CENPP: variants seen among roughly 807,000 people sequenced by gnomAD.
CENPP encodes the protein centromere protein P.
CENPP carries 24 observed loss-of-function variants against 35.6 expected under a neutral mutation model. The ratio of observed to expected loss-of-function variants is 0.67; its 90% CI spans 0.49 to 0.95. CENPP has a LOEUF of 0.95. Among genes scored for constraint, CENPP ranks in the 40% least tolerant of loss-of-function variants. CENPP has a pLI of 0.00. For synonymous variants in CENPP, 120 were observed against 125.5 expected (o/e 0.96, Z 0.29); for missense variants, 332 against 345.3 (o/e 0.96, Z 0.31).
chr9:92,435,790 A>G (rs1317452440), intron 5 of CENPP, among the ~76,000 whole-genome samples: 1 of 152,218 alleles, frequency 6.6e-6, no homozygotes, highest in Non-Finnish European at 1.5e-5. Context: ...TGGATGTACC[A>G]TAGTTGGTTT....
At chr9:92,355,284 C>G (rs554180638) in intron 4 of CENPP, among the ~76,000 whole-genome samples, 25 of 152,228 alleles carry the variant, frequency 1.6e-4, no homozygotes, top group Middle Eastern at 3.4e-3. Flanking sequence ...GACCTCCCCC[C>G]AGGAATGCAT....
At chr9:92,403,096 AATT>A in intron 5 of CENPP, 1 of 575,382 alleles carries the variant, frequency 1.7e-6, no homozygotes, top group Non-Finnish European at 3.0e-6. Flanking sequence ...TCTTAGGGAC[AATT>A]ATTATGAATT....
chr9:92,588,254 T>G (rs906743450), intron 5 of CENPP, among the ~76,000 whole-genome samples: 1 of 151,746 alleles, frequency 6.6e-6, no homozygotes, highest in Non-Finnish European at 1.5e-5. Context: ...TGTTTGTTTG[T>G]TTTGGTTTTT....
At chr9:92,447,653 T>C (rs1297657465) in intron 5 of CENPP, among the ~76,000 whole-genome samples, 1 of 152,170 alleles carries the variant, frequency 6.6e-6, no homozygotes, top group Non-Finnish European at 1.5e-5. Context: ...TGTTTTCCTT[T>C]CACATATTCC....
intron 5 of CENPP, among the ~76,000 whole-genome samples, chr9:92,402,154 C>T (rs1843141548): frequency 1.3e-5 from 2 of 152,074 alleles, no homozygotes; most frequent in Admixed American, 1.3e-4. Flanking sequence ...TCAAATCATC[C>T]AAGTGAGCCA....
chr9:92,463,920 A>G (rs1845207201), intron 5 of CENPP, among the ~76,000 whole-genome samples: 1 of 152,100 alleles, frequency 6.6e-6, no homozygotes, highest in Non-Finnish European at 1.5e-5. Context: ...GTGAAAGGTC[A>G]CCTCTTGATT....
chr9:92,537,645 G>A (rs1396172258), intron 5 of CENPP, among the ~76,000 whole-genome samples: 2 of 152,060 alleles, frequency 1.3e-5, no homozygotes, highest in African/African-American at 4.8e-5. Flanking sequence ...GGGCAACAGA[G>A]CGAGACTACA....
At chr9:92,386,014 A>ATCTGGACT (rs1472067327) in intron 5 of CENPP, among the ~76,000 whole-genome samples, 6 of 152,336 alleles carry the variant, frequency 3.9e-5, no homozygotes, top group South Asian at 2.1e-4. Flanking sequence ...TCTGGATGGA[A>ATCTGGACT]TCTGGACTTC....
intron 5 of CENPP, chr9:92,509,805 T>C: frequency 1.6e-6 from 2 of 1,283,974 alleles, no homozygotes; most frequent in Non-Finnish European, 2.1e-6. Flanking sequence ...TATTTACTAT[T>C]TATTCATTTG....
Position 92,534,502 on chromosome 9 carries a change from T to G in CENPP, c.565-76812T>G, listed in dbSNP as rs552169327. On this transcript the variant is annotated intron_variant, in intron 5 of 7. Coordinates refer to ENST00000375587, the MANE Select transcript of CENPP (RefSeq NM_001012267.3). ...TATATACATTAATTGCCACAGTCAT[T>G]TGAAAACCATTACTATAGGTTATTG... 9.8e-4 allele frequency among the ~76,000 whole-genome samples: 150 copies of G among 152,328 alleles called. 1 individual carries two copies. The highest frequency in any genetic ancestry group is 3.3e-3 in the African/African-American group (137 of 41,574).
intron 5 of CENPP, among the ~76,000 whole-genome samples, chr9:92,461,658 T>C (rs1414653415): frequency 3.3e-5 from 5 of 152,202 alleles, no homozygotes; most frequent in Non-Finnish European, 7.3e-5. Context: ...CCTGAGGGTC[T>C]TAGCATTCAT....
At chr9:92,464,828 T>G (rs1333091419) in intron 5 of CENPP, 2 of 935,276 alleles carry the variant, frequency 2.1e-6, no homozygotes, top group Non-Finnish European at 3.5e-6. Context: ...CTAGTTGCAG[T>G]GTATACTGCA....
At chr9:92,348,333 A>T (rs983222720) in intron 4 of CENPP, among the ~76,000 whole-genome samples, 4 of 147,978 alleles carry the variant, frequency 2.7e-5, no homozygotes, top group African/African-American at 1.0e-4. Context: ...TTCATTCTTC[A>T]TTTCATTTGA....
chr9:92,555,593 C>T (rs889527584), intron 5 of CENPP, among the ~76,000 whole-genome samples: 1 of 152,048 alleles, frequency 6.6e-6, no homozygotes, highest in African/African-American at 2.4e-5. Context: ...TTATCTAATT[C>T]TTCCTGATTT....
chr9:92,536,149 G>A, intron 5 of CENPP: 2 of 381,868 alleles, frequency 5.2e-6, no homozygotes, highest in African/African-American at 2.2e-5. Flanking sequence ...AAAGTAACCA[G>A]GGAAAATGGT....
chr9:92,583,023 G>T (rs1184539118), intron 5 of CENPP, among the ~76,000 whole-genome samples: 1 of 152,114 alleles, frequency 6.6e-6, no homozygotes, highest in Non-Finnish European at 1.5e-5. Context: ...TGTTTGACAG[G>T]CACATGGCAA....
At chr9:92,402,278 T>C (rs1000816688) in intron 5 of CENPP, among the ~76,000 whole-genome samples, 6 of 152,170 alleles carry the variant, frequency 3.9e-5, no homozygotes, top group Admixed American at 1.3e-4. Context: ...TTAAAAGCAT[T>C]AACTGAAAGA....
intron 5 of CENPP, among the ~76,000 whole-genome samples, chr9:92,606,487 T>C (rs1851084364): frequency 6.6e-6 from 1 of 152,136 alleles, no homozygotes; most frequent in Admixed American, 6.5e-5. Flanking sequence ...TCCCCAATGG[T>C]TGGAGAGTTA....
At chr9:92,410,225 C>T (rs998401560) in intron 5 of CENPP, among the ~76,000 whole-genome samples, 1 of 152,134 alleles carries the variant, frequency 6.6e-6, no homozygotes, top group African/African-American at 2.4e-5. Context: ...CGTGAGCCAC[C>T]GTGCCCAGCC....
Sources: gnomAD v4.1 joint callset for allele counts (sites outside exome capture counted in the v4.1 genomes callset) on GRCh38, gnomAD v4.1.1 for gene constraint, MANE v1.5 for transcripts, NCBI Gene and HGNC (gene_info 2026-07-23, HGNC 2026-07-21) for gene names.